PCDH12: variants seen among roughly 807,000 people sequenced by gnomAD.
The protein encoded by PCDH12 is protocadherin 12.
PCDH12 carries 45 observed loss-of-function variants against 70.9 expected under a neutral mutation model. The observed-to-expected ratio is 0.63, with a 90% CI of 0.50 to 0.81. PCDH12 has a LOEUF of 0.81. PCDH12 is among the 40% of genes least tolerant of loss of function. PCDH12 has a pLI of 0.00. For missense variants in PCDH12, 1,370 were observed against 1,491.7 expected (o/e 0.92, Z 1.34); for synonymous variants, 567 against 626.0 (o/e 0.91, Z 1.41).
Position 141,956,152 on chromosome 5 carries a change from TG to T in PCDH12, c.1699del (p.Gln567SerfsTer15). ...GGCTTTTCCATCGCTGAGCACAGGC[TG>T]GACCACCTCTGGGGCATTATCATTG... is the stretch of plus-strand genomic sequence containing the variant. ...DANDNAPEVVQPVLSDGKASL... is the reference protein window; with the variant it reads ...DANDNAPEVVXPVLSDGKASL... On this transcript the variant is annotated frameshift_variant, in exon 1 of 4. Transcript: ENST00000231484. LOFTEE classifies it high-confidence loss of function. 6.2e-7 allele frequency: 1 copy of T among 1,614,192 alleles called. No homozygotes were observed. Among genetic ancestry groups the T allele is most frequent in the Non-Finnish European group, 8.5e-7 (1 of 1,180,038 alleles).
chr5:141,956,159 C>T lies in PCDH12; in HGVS notation c.1693G>A (p.Val565Met). ...CCATCGCTGAGCACAGGCTGGACCA[C>T]CTCTGGGGCATTATCATTGGCATCC... The part of the protein sequence containing the change: ...LLDANDNAPE[V>M]VQPVLSDGKA... The change falls in exon 1 of 4, where the codon GTG (valine) becomes ATG (methionine). Residue 565 changes from valine to methionine, a missense_variant. Physicochemically the swap from Val to Met is conservative, Grantham distance 21 (BLOSUM62 1). Coordinates refer to ENST00000231484, the MANE Select transcript of PCDH12 (RefSeq NM_016580.4). 1.2e-6 allele frequency: 2 copies of T among 1,614,206 alleles called. No individual in the cohort carries two copies. The highest frequency in any genetic ancestry group is 1.1e-5 in the South Asian group (1 of 91,080).
rs773898344 is a variant in PCDH12 at position 141,955,890 on chromosome 5, C to T, written c.1962G>A (p.Gly654=). Residue 654 remains glycine (G), a synonymous_variant, in exon 1 of 4, where the codon GGG becomes GGA. Coordinates refer to ENST00000231484, the MANE Select transcript of PCDH12 (RefSeq NM_016580.4). This position sits in a 1 kb window ranked among gnomAD's most constrained non-coding sequence, Gnocchi z 5.5. ...AHLFILNPHT[G]QLFVNVTNAS... is the part of the protein sequence containing the mutation. ...CATTGGTGACATTGACGAACAGCTG[C>T]CCCGTATGAGGGTTGAGGATGAAGA... 31 of 1,614,054 alleles carry T rather than the reference C, an allele frequency of 1.9e-5. No homozygotes were observed. In the East Asian group the frequency reaches 4.2e-4, roughly 22 times the overall value.
intron 3 of PCDH12, among the ~76,000 whole-genome samples, chr5:141,948,523 A>G (rs1753000602): frequency 1.3e-5 from 2 of 152,352 alleles, no homozygotes; most frequent in East Asian, 1.9e-4. Flanking sequence ...TCAAGTTCAC[A>G]TTATGTATTT....
At position 141,945,788 on chromosome 5, in the gene PCDH12, G is replaced by C; in HGVS notation, c.3148C>G (p.Leu1050Val). 6.2e-7 allele frequency: 1 copy of C among 1,612,602 alleles called. No individual in the cohort carries two copies. Among genetic ancestry groups the C allele is most frequent in the Non-Finnish European group, 8.5e-7 (1 of 1,179,562 alleles). Reference sequence around the variant, plus strand: ...ATCCAGGCCGGGTCAGGGGCGCTCAGCCGGTCCAGGGCCAGACCTGTGGGG... The same window carrying C: ...ATCCAGGCCGGGTCAGGGGCGCTCACCCGGTCCAGGGCCAGACCTGTGGGG... The part of the protein sequence containing the change: ...DPSTGLALDR[L>V]SAPDPAWMAR... The change falls in exon 4 of 4, where the codon CTG becomes GTG. Residue 1050 changes from leucine (L) to valine (V), a missense_variant. Physicochemically the swap from Leu to Val is conservative, Grantham distance 32. Coordinates refer to ENST00000231484, the MANE Select transcript of PCDH12 (RefSeq NM_016580.4).
At chr5:141,951,618 C>T in intron 1 of PCDH12, 28 bp from the exon 2 acceptor site, 1 of 1,508,230 alleles carries the variant, frequency 6.6e-7, no homozygotes, top group Middle Eastern at 1.7e-4. Context: ...TCTGTTGACT[C>T]CACACAATTC....
chr5:141,945,736 G>A lies in PCDH12; in HGVS notation c.3200C>T (p.Thr1067Ile). The A allele has an allele frequency of 6.2e-7, 1 of 1,614,084 alleles. No individual in the cohort carries two copies. Among genetic ancestry groups the A allele is most frequent in the South Asian group, 1.1e-5 (1 of 91,088 alleles). ...GGAGATCACATTGTCACGGTAGTTGGTGGTGAGGGGCAAAGAGAGTCTCGC... is the reference window on the plus strand; with the variant it reads ...GGAGATCACATTGTCACGGTAGTTGATGGTGAGGGGCAAAGAGAGTCTCGC... ...WMARLSLPLT[T>I]NYRDNVISPD... Residue 1067 changes from threonine to isoleucine, a missense_variant, in exon 4 of 4, where the codon ACC becomes ATC. Transcript: ENST00000231484.
In PCDH12 at chr5:141,957,688, C is replaced by G. The variant is rs199944866; in HGVS notation, c.164G>C (p.Arg55Pro). 3.1e-6 allele frequency: 5 copies of G among 1,614,192 alleles called. No homozygotes were observed. Among genetic ancestry groups the G allele is most frequent in the Non-Finnish European group, 3.4e-6 (4 of 1,180,012 alleles). The change falls in exon 1 of 4, where the codon CGG becomes CCG. Residue 55 changes from arginine (R) to proline (P), a missense_variant. Coordinates refer to ENST00000231484, the MANE Select transcript of PCDH12 (RefSeq NM_016580.4). This position sits in a 1 kb window ranked among gnomAD's most constrained non-coding sequence, Gnocchi z 4.3. Reference sequence around the variant, plus strand: ...CCCAGCTTGCCTCCGCCTCTCCTCCCGGCCCAGTTCCTGGGACAGCTTCCC... The same window carrying G: ...CCCAGCTTGCCTCCGCCTCTCCTCCGGGCCCAGTTCCTGGGACAGCTTCCC... ...VIGKLSQELG[R>P]EERRRQAGAA...
At position 141,957,571 on chromosome 5, in the gene PCDH12, C is replaced by G. The variant is rs749737523; in HGVS notation, c.281G>C (p.Arg94Pro). 48 of 1,614,086 alleles carry G rather than the reference C, an allele frequency of 3.0e-5. No homozygotes were observed. Among genetic ancestry groups the G allele is most frequent in the Non-Finnish European group, 3.9e-5 (46 of 1,180,058 alleles). Residue 94 changes from arginine to proline, a missense_variant, in exon 1 of 4, where the codon CGA becomes CCA. By Grantham distance (103) the Arg-to-Pro change is moderately radical. Transcript: ENST00000231484. This position sits in a 1 kb window ranked among gnomAD's most constrained non-coding sequence, Gnocchi z 4.3. ...ATCCCACTGTCGGCACAGCTGCTCT[C>G]GATCCAGCCGCCTGCCTGTGCTGAG... ...GLLSTGRRLD[R>P]EQLCRQWDPC...
intron 3 of PCDH12, among the ~76,000 whole-genome samples, chr5:141,948,559 CA>C (rs1348966293): frequency 6.6e-6 from 1 of 152,074 alleles, no homozygotes; most frequent in Admixed American, 6.5e-5. Flanking sequence ...TATTTCTCTG[CA>C]AAAAAATCTT....
At chr5:141,946,607 C>T (rs945964629) in intron 3 of PCDH12, among the ~76,000 whole-genome samples, 2 of 152,186 alleles carry the variant, frequency 1.3e-5, no homozygotes, top group Admixed American at 1.3e-4. Context: ...AAATCCTCCT[C>T]AACATCATCT....
intron 2 of PCDH12, among the ~76,000 whole-genome samples, chr5:141,950,144 G>C (rs1460962902): frequency 1.3e-5 from 2 of 152,180 alleles, no homozygotes; most frequent in African/African-American, 4.8e-5. Flanking sequence ...GGCCAGAAGA[G>C]CAGACCTATG....
At chr5:141,950,788 A>C (rs544818684) in intron 2 of PCDH12, among the ~76,000 whole-genome samples, 1 of 152,324 alleles carries the variant, frequency 6.6e-6, no homozygotes, top group African/African-American at 2.4e-5. Context: ...GACCTTTAGC[A>C]AAATTGCTTC....
intron 3 of PCDH12, among the ~76,000 whole-genome samples, chr5:141,948,397 G>A (rs996172498): frequency 6.6e-6 from 1 of 152,208 alleles, no homozygotes; most frequent in African/African-American, 2.4e-5. Context: ...GAGAAACAGT[G>A]TTAACTACAT....
chr5:141,955,583 ACTCGGC>A lies in PCDH12; in HGVS notation c.2263_2268del (p.Ala755_Glu756del). On this transcript the variant is annotated inframe_deletion, in exon 1 of 4. Coordinates refer to ENST00000231484, the MANE Select transcript of PCDH12 (RefSeq NM_016580.4). This position sits in a 1 kb window ranked among gnomAD's most constrained non-coding sequence, Gnocchi z 5.5. Reference sequence around the variant, plus strand: ...CTCTTGGGCTGCTGGCGGTAGGTGGACTCGGCCTCCCGACAGTTGTAGGCCCTGTTG... The same window carrying A: ...CTCTTGGGCTGCTGGCGGTAGGTGGACTCCCGACAGTTGTAGGCCCTGTTG... The A allele has an allele frequency of 6.2e-7, 1 of 1,613,946 alleles. No homozygotes were observed. Among genetic ancestry groups the A allele is most frequent in the Non-Finnish European group, 8.5e-7 (1 of 1,179,986 alleles).
chr5:141,956,024 T>C lies in PCDH12; in HGVS notation c.1828A>G (p.Thr610Ala), dbSNP rs745405181. The change falls in exon 1 of 4, where the codon ACT becomes GCT. Residue 610 changes from threonine (T) to alanine (A), a missense_variant. By Grantham distance (58) the Thr-to-Ala change is moderately conservative. Coordinates refer to ENST00000231484, the MANE Select transcript of PCDH12 (RefSeq NM_016580.4). Reference protein sequence around the residue: ...PAGTDTPPLATHSSRPFLLTT... With the variant: ...PAGTDTPPLAAHSSRPFLLTT... ...AAAAGGAATGGCCGGGAGCTGTGAG[T>C]GGCCAGTGGAGGTGTGTCAGTGCCC... 78 of 1,613,844 alleles carry C rather than the reference T, an allele frequency of 4.8e-5. No homozygotes were observed. The highest frequency in any genetic ancestry group is 6.3e-5 in the Non-Finnish European group (74 of 1,179,992).
At chr5:141,951,641 C>G (rs1163817073) in intron 1 of PCDH12, 51 bp from the exon 2 acceptor site, 5 of 1,309,884 alleles carry the variant, frequency 3.8e-6, no homozygotes, top group Non-Finnish European at 4.4e-6. Context: ...ACTCAGCACA[C>G]TTCCTCGCCG....
chr5:141,951,484 G>A lies in PCDH12; in HGVS notation c.2978+9C>T, dbSNP rs1240511217. The A allele has an allele frequency of 2.5e-6, 4 of 1,611,136 alleles. No individual in the cohort carries two copies. In the Admixed American group the frequency reaches 6.7e-5, roughly 27 times the overall value. ...CTTGAGATGCCTGTGGGGGCTACGT[G>A]CTGCTTACCTGCTGCCTCCTGGCTT... On this transcript the variant is annotated intron_variant, in intron 2 of 3. Transcript: ENST00000231484.
chr5:141,953,550 C>T (rs539309976), intron 1 of PCDH12, among the ~76,000 whole-genome samples: 1 of 152,314 alleles, frequency 6.6e-6, no homozygotes, highest in South Asian at 2.1e-4. Flanking sequence ...AAGATATGAG[C>T]ATTGGGCAAG....
chr5:141,955,315 A>G lies in PCDH12; in HGVS notation c.2537T>C (p.Val846Ala), dbSNP rs1374885011. Residue 846 changes from valine (V) to alanine (A), a missense_variant, in exon 1 of 4, where the codon GTC becomes GCC. Physicochemically the swap from Val to Ala is moderately conservative, Grantham distance 64. Transcript: ENST00000231484. The surrounding 1 kb of genome is among the most constrained non-coding windows in gnomAD (Gnocchi z 5.5). ...AESREVLQDT[V>A]NLLFNHPRQR... ...CCTGGGATGGTTGAAAAGGAGGTTG[A>G]CCGTGTCTTGCAGCACCTCTCGGCT... 1.2e-6 allele frequency: 2 copies of G among 1,613,838 alleles called. No individual in the cohort carries two copies. Among genetic ancestry groups the G allele is most frequent in the African/African-American group, 2.7e-5 (2 of 74,860 alleles).
Sources: gnomAD v4.1 joint callset for allele counts (sites outside exome capture counted in the v4.1 genomes callset) on GRCh38, gnomAD v4.1.1 for gene constraint, Gnocchi (gnomAD v3.1) non-coding constraint, MANE v1.5 for transcripts, NCBI Gene and HGNC (gene_info 2026-07-23, HGNC 2026-07-21) for gene names.